Variants in MAEA observed in about 807,000 individuals in gnomAD.
MAEA encodes the protein macrophage erythroblast attacher, E3 ubiquitin ligase.
A neutral mutation model predicts 46.2 loss-of-function variants in MAEA; 22 were observed. The ratio of observed to expected loss-of-function variants is 0.48; its 90% CI spans 0.34 to 0.68. The LOEUF (loss-of-function observed/expected upper bound fraction) is 0.68. MAEA is among the 30% of genes least tolerant of loss of function. The pLI, the probability that MAEA is intolerant of heterozygous loss-of-function variation, is 0.01. For synonymous variants in MAEA, 246 were observed against 222.6 expected, an observed-to-expected ratio of 1.11 and a Z score of -0.94; for missense variants, 393 against 558.1, an observed-to-expected ratio of 0.70 and a Z score of 2.98.
At chr4:1,336,755 A>T in intron 6 of MAEA, 106 bp from the exon 7 acceptor site, 2 of 1,054,890 alleles carry the variant, frequency 1.9e-6, no homozygotes, top group Non-Finnish European at 2.7e-6. Context: ...TCACTGGGGG[A>T]TGGCTGTGGG....
chr4:1,322,232 C>T lies in MAEA; in HGVS notation c.457-149C>T, dbSNP rs1738220848. On this transcript the variant is annotated intron_variant, in intron 3 of 8. Transcript: ENST00000303400. ...GGATCTCAGAGCGGCCCTGAGTAGT[C>T]CACGAGTGCAGACCCACAGTGTGGA... 7.2e-6 allele frequency: 8 copies of T among 1,117,074 alleles called. No homozygotes were observed. The South Asian group carries it at 1.0e-4, about 14-fold the overall frequency. 69.2% of individuals were successfully genotyped at this position (1,117,074 alleles called of 1,614,324 possible). A position where few individuals can be genotyped will look rare whatever the true frequency, so the allele number is the denominator to read the frequency against.
chr4:1,330,164 T>C (rs1711512630), intron 5 of MAEA: 2 of 984,708 alleles, frequency 2.0e-6, no homozygotes, highest in Non-Finnish European at 2.4e-6. Flanking sequence ...TAATTTTTAG[T>C]AAATGAGTAA....
Position 1,311,884 on chromosome 4 carries a change from C to A in MAEA, c.70-95C>A. The stretch of plus-strand genomic sequence containing the variant: ...GAACCTTCTGAGACTTCTGCCTCTA[C>A]AAGTGCCATGAGGAGACCTGGTGTG... On this transcript the variant is annotated intron_variant, in intron 1 of 8. Coordinates refer to ENST00000303400, the MANE Select transcript of MAEA (RefSeq NM_001017405.3). This position sits in a 1 kb window ranked among gnomAD's most constrained non-coding sequence, Gnocchi z 4.4. 2 of 1,101,480 alleles carry A rather than the reference C, an allele frequency of 1.8e-6. No homozygotes were observed. The highest frequency in any genetic ancestry group is 2.3e-5 in the Admixed American group (1 of 43,718). 68.2% of individuals were successfully genotyped at this position (1,101,480 alleles called of 1,614,324 possible).
chr4:1,316,915 G>A (rs1326537366), intron 3 of MAEA, among the ~76,000 whole-genome samples: 1 of 147,410 alleles, frequency 6.8e-6, no homozygotes, highest in Non-Finnish European at 1.5e-5. Context: ...CGGCACTCCA[G>A]ACTCACCCCC....
In MAEA at chr4:1,339,244, C is replaced by G. The variant is rs80040593; in HGVS notation, c.*75C>G. The G allele has an allele frequency of 1.9e-6, 2 of 1,068,948 alleles. No homozygotes were observed. Among genetic ancestry groups the G allele is most frequent in the East Asian group, 4.7e-5 (2 of 42,140 alleles). 66.2% of individuals were successfully genotyped at this position (1,068,948 alleles called of 1,614,324 possible). A position where few individuals can be genotyped will look rare whatever the true frequency, so the allele number is the denominator to read the frequency against. On this transcript the variant is annotated 3_prime_UTR_variant, in exon 9 of 9. Coordinates refer to ENST00000303400, the MANE Select transcript of MAEA (RefSeq NM_001017405.3). The stretch of plus-strand genomic sequence containing the variant: ...GAGGCCACGCCTTCCTCCTGTCCCA[C>G]GCTCCAGCCTGCCGCGGCGTTTCTG...
At chr4:1,317,103 T>G in intron 3 of MAEA, among the ~76,000 whole-genome samples, 1 of 22,980 alleles carries the variant, frequency 4.4e-5, no homozygotes, top group East Asian at 9.9e-4. Flanking sequence ...CACACTCACC[T>G]GCAGGCCCAC....
At chr4:1,324,209 G>A (rs1486061358) in intron 4 of MAEA, among the ~76,000 whole-genome samples, 2 of 147,534 alleles carry the variant, frequency 1.4e-5, no homozygotes, top group Non-Finnish European at 3.0e-5. Flanking sequence ...TGTGCCTGGC[G>A]TTGGATGAGT....
At chr4:1,336,675 C>T (rs1712809201) in intron 6 of MAEA, among the ~76,000 whole-genome samples, 186 bp from the exon 7 acceptor site, 1 of 152,218 alleles carries the variant, frequency 6.6e-6, no homozygotes, top group Non-Finnish European at 1.5e-5. Context: ...AGCACTCATC[C>T]CACTGTGTGT....
intron 1 of MAEA, among the ~76,000 whole-genome samples, chr4:1,290,800 G>A (rs1224582416): frequency 6.6e-6 from 1 of 152,220 alleles, no homozygotes; most frequent in South Asian, 2.1e-4. Flanking sequence ...AGGTGTGGAG[G>A]ATGCAGTATG....
chr4:1,303,489 C>G (rs1406559616), intron 1 of MAEA, among the ~76,000 whole-genome samples: 1 of 151,838 alleles, frequency 6.6e-6, no homozygotes, highest in Non-Finnish European at 1.5e-5. Context: ...ACGAATACCA[C>G]GGAAGACCAT....
intron 5 of MAEA, chr4:1,329,833 T>C (rs1739313419): frequency 2.1e-5 from 21 of 985,452 alleles, no homozygotes; most frequent in Non-Finnish European, 2.5e-5. Flanking sequence ...CCTGGCCACA[T>C]GTCTCCTGAG....
At chr4:1,327,209 G>A (rs1468176084) in intron 4 of MAEA, among the ~76,000 whole-genome samples, 5 of 152,270 alleles carry the variant, frequency 3.3e-5, no homozygotes, top group Admixed American at 3.3e-4. Flanking sequence ...CCAGAGGCCC[G>A]GTGGGAGTGT....
chr4:1,304,615 G>A (rs956702043), intron 1 of MAEA, among the ~76,000 whole-genome samples: 1 of 151,562 alleles, frequency 6.6e-6, no homozygotes, highest in Non-Finnish European at 1.5e-5. Context: ...TAATTTTTTT[G>A]TATTTTTAGT....
At chr4:1,301,039 C>T (rs1299725636) in intron 1 of MAEA, among the ~76,000 whole-genome samples, 1 of 152,206 alleles carries the variant, frequency 6.6e-6, no homozygotes, top group Non-Finnish European at 1.5e-5. Flanking sequence ...TCCAGCACTT[C>T]TGGCCCTGTG....
chr4:1,315,885 C>T (rs1282254753), intron 3 of MAEA, among the ~76,000 whole-genome samples: 2 of 42,368 alleles, frequency 4.7e-5, no homozygotes, highest in Non-Finnish European at 1.1e-4. Context: ...CCCCCCCCCC[C>T]CAATGTGCGT....
Position 1,339,242 on chromosome 4 carries a change from C to A in MAEA, c.*73C>A. On this transcript the variant is annotated 3_prime_UTR_variant, in exon 9 of 9. Coordinates refer to ENST00000303400, the MANE Select transcript of MAEA (RefSeq NM_001017405.3). ...GGGAGGCCACGCCTTCCTCCTGTCC[C>A]ACGCTCCAGCCTGCCGCGGCGTTTC... 1 of 1,091,620 alleles carries A rather than the reference C, an allele frequency of 9.2e-7. No individual in the cohort carries two copies. The highest frequency in any genetic ancestry group is 1.4e-6 in the Non-Finnish European group (1 of 707,256). 67.6% of individuals were successfully genotyped at this position (1,091,620 alleles called of 1,614,324 possible).
At chr4:1,298,681 CGGG>C (rs1735024324) in intron 1 of MAEA, among the ~76,000 whole-genome samples, 1 of 152,122 alleles carries the variant, frequency 6.6e-6, no homozygotes, top group African/African-American at 2.4e-5. Context: ...CGTTTCCCCC[CGGG>C]CTCAGTCCTT....
intron 3 of MAEA, among the ~76,000 whole-genome samples, chr4:1,320,309 A>G (rs1737894380): frequency 1.3e-5 from 2 of 151,640 alleles, no homozygotes; most frequent in Non-Finnish European, 2.9e-5. Context: ...AACGTGCAAG[A>G]AAATGCTATG....
intron 5 of MAEA, chr4:1,331,759 G>C (rs1024018403): frequency 1.5e-5 from 1 of 66,172 alleles, no homozygotes; most frequent in Non-Finnish European, 2.7e-5. Context: ...CAGTGACCCT[G>C]TGTGTGGGGG....
Sources: allele counts gnomAD v4.1 joint callset (sites outside exome capture counted in the v4.1 genomes callset), GRCh38; gene constraint gnomAD v4.1.1; non-coding constraint Gnocchi (gnomAD v3.1); transcripts MANE v1.5; gene names NCBI Gene and HGNC (gene_info 2026-07-23, HGNC 2026-07-21).